PCDH15: variants seen among roughly 807,000 people sequenced by gnomAD.
PCDH15 encodes the protein protocadherin-15.
PCDH15 carries 129 observed loss-of-function variants against 178.5 expected under a neutral mutation model. The observed-to-expected ratio is 0.72, with a 90% confidence interval of 0.63 to 0.84. The LOEUF (loss-of-function observed/expected upper bound fraction) is 0.84, where lower values mean the gene tolerates loss of function less well. PCDH15 is among the 40% of genes least tolerant of loss of function. PCDH15 has a pLI of 0.00. For synonymous variants in PCDH15, 800 were observed against 732.0 expected, an observed-to-expected ratio of 1.09 and a Z score of -1.50; for missense variants, 2,230 against 2,099.9, an observed-to-expected ratio of 1.06 and a Z score of -1.21.
intron 1 of PCDH15, among the ~76,000 whole-genome samples, chr10:54,690,800 G>A (rs1436199900): frequency 6.6e-6 from 1 of 151,914 alleles, no homozygotes; most frequent in African/African-American, 2.4e-5. Context: ...TATTATATTT[G>A]AAACTGTTTA....
At chr10:55,432,768 G>T (rs1399926660) in intron 2 of PCDH15, among the ~76,000 whole-genome samples, 1 of 127,110 alleles carries the variant, frequency 7.9e-6, no homozygotes, top group African/African-American at 3.2e-5. Context: ...CTGCCACAAC[G>T]CCCGGCTAAT....
chr10:54,618,951 C>T (rs1228240718), intron 2 of PCDH15, among the ~76,000 whole-genome samples: 1 of 151,870 alleles, frequency 6.6e-6, no homozygotes, highest in African/African-American at 2.4e-5. Context: ...ATCAAAGCAT[C>T]AAATGGATGT....
intron 2 of PCDH15, among the ~76,000 whole-genome samples, chr10:55,396,199 G>A (rs376305876): frequency 1.3e-5 from 2 of 152,254 alleles, no homozygotes; most frequent in East Asian, 3.9e-4. Context: ...ATTAAAGGCA[G>A]TATTGAGGTT....
At chr10:55,536,982 A>AT (rs547252793) in intron 2 of PCDH15, among the ~76,000 whole-genome samples, 234 of 151,974 alleles carry the variant, frequency 1.5e-3, no homozygotes, top group Middle Eastern at 3.4e-3. Flanking sequence ...ATAAATTTAG[A>AT]TTTTTTTTCT....
intron 30 of PCDH15, among the ~76,000 whole-genome samples, chr10:53,830,224 C>T (rs11003870): frequency 0.046 from 6,943 of 151,704 alleles, 242 homozygotes; most frequent in East Asian, 0.15. Flanking sequence ...ACAGCTTGAA[C>T]CTTGGAGGCA....
chr10:54,328,243 G>A (rs1270709047), intron 7 of PCDH15, among the ~76,000 whole-genome samples: 2 of 152,026 alleles, frequency 1.3e-5, no homozygotes, highest in East Asian at 3.9e-4. Context: ...CCAGTATGTA[G>A]CCTTTTCTTA....
chr10:54,447,196 C>T (rs530868776), intron 3 of PCDH15, among the ~76,000 whole-genome samples: 1 of 151,588 alleles, frequency 6.6e-6, no homozygotes, highest in African/African-American at 2.4e-5. Flanking sequence ...GAATTTGGGT[C>T]TCTACAACAT....
intron 26 of PCDH15, among the ~76,000 whole-genome samples, chr10:53,880,605 A>G (rs200666354): frequency 1.9e-4 from 4 of 21,320 alleles, no homozygotes; most frequent in Non-Finnish European, 5.1e-4. Flanking sequence ...AAAAATTTTT[A>G]AAAAAACCTT....
intron 25 of PCDH15, among the ~76,000 whole-genome samples, chr10:53,909,311 T>A (rs2082901195): frequency 6.6e-6 from 1 of 152,152 alleles, no homozygotes; most frequent in African/African-American, 2.4e-5. Context: ...GTCAATTAAA[T>A]CTCTTCTCTT....
chr10:54,140,137 A>G (rs758935502), intron 14 of PCDH15, among the ~76,000 whole-genome samples: 1 of 152,232 alleles, frequency 6.6e-6, no homozygotes, highest in Non-Finnish European at 1.5e-5. Flanking sequence ...TCATAGTTAA[A>G]GCTCATATCT....
Position 54,346,387 on chromosome 10 carries a change from AT to A in PCDH15, c.571del (p.Ile191PhefsTer18), listed in dbSNP as rs1480320128. ...TACCGGATCATCTGGATTATACTGA[AT>A]AACATACTCTATCTGTCCATTTGGT... Reference protein sequence around the residue: ...DGPNGQIEYVIQYNPDDPTSN... With the variant: ...DGPNGQIEYVXQYNPDDPTSN... On this transcript the variant is annotated frameshift_variant, in exon 6 of 38. Coordinates refer to ENST00000644397, the MANE Select transcript of PCDH15 (RefSeq NM_001384140.1). LOFTEE classifies it high-confidence loss of function. 1 of 1,613,344 alleles carries A rather than the reference AT, an allele frequency of 6.2e-7. No individual in the cohort carries two copies. The highest frequency in any genetic ancestry group is 1.3e-5 in the African/African-American group (1 of 74,908).
chr10:54,644,805 G>T (rs1317978977), intron 2 of PCDH15, among the ~76,000 whole-genome samples: 4 of 152,136 alleles, frequency 2.6e-5, no homozygotes, highest in Non-Finnish European at 4.4e-5. Flanking sequence ...GGGCCCTTAG[G>T]AGGTGATTAT....
chr10:54,084,614 A>G (rs1049394349), intron 16 of PCDH15, among the ~76,000 whole-genome samples: 3 of 152,158 alleles, frequency 2.0e-5, no homozygotes, highest in Non-Finnish European at 4.4e-5. Flanking sequence ...AGAAAATTCA[A>G]TGATGTAAAT....
Position 55,245,955 on chromosome 10 carries a change from G to A in PCDH15, c.-156+73644C>T, listed in dbSNP as rs140896775. ...CCTAAAAGGCTGACTTAGGGCAGAT[G>A]TGCACTTGGCAATCAGTACTTGGCT... On this transcript the variant is annotated intron_variant, in intron 1 of 5. Transcript: ENST00000458638. Among the ~76,000 whole-genome samples, 859 of 152,286 alleles carry A rather than the reference G, an allele frequency of 5.6e-3. 10 individuals carry two copies. Among genetic ancestry groups the A allele is most frequent in the African/African-American group, 0.02 (818 of 41,562 alleles).
In PCDH15 at chr10:55,581,627, T is replaced by C. The variant is rs116188855; in HGVS notation, c.-156+45998A>G. Among the ~76,000 whole-genome samples the C allele has an allele frequency of 3.1e-3, 471 of 152,208 alleles. 1 individual carries two copies. Among genetic ancestry groups the C allele is most frequent in the African/African-American group, 0.01 (432 of 41,552 alleles). ...GAAATGATTATGAGTCAATTTAAAA[T>C]CTCTGAAAATTAAAACTTAATTTTA... On this transcript the variant is annotated intron_variant, in intron 2 of 5. Coordinates refer to the PCDH15 transcript ENST00000613346.
At chr10:55,398,959 GA>G (rs1202319996) in intron 2 of PCDH15, among the ~76,000 whole-genome samples, 4 of 151,958 alleles carry the variant, frequency 2.6e-5, no homozygotes, top group Admixed American at 1.3e-4. Flanking sequence ...ATATATGAAT[GA>G]AAAAATGTTG....
At chr10:55,024,446 T>TAA in intron 2 of PCDH15, among the ~76,000 whole-genome samples, 1 of 96,392 alleles carries the variant, frequency 1.0e-5, no homozygotes, top group Admixed American at 1.0e-4. Flanking sequence ...TAATATATTA[T>TAA]ATATATATAC....
intron 3 of PCDH15, among the ~76,000 whole-genome samples, chr10:54,511,609 G>A (rs904657910): frequency 2.0e-5 from 3 of 152,058 alleles, no homozygotes; most frequent in African/African-American, 7.2e-5. Flanking sequence ...GTCACTTTAT[G>A]GATAATGCAT....
chr10:53,914,292 C>T (rs1027554028), intron 25 of PCDH15, among the ~76,000 whole-genome samples: 2 of 152,138 alleles, frequency 1.3e-5, no homozygotes, highest in African/African-American at 4.8e-5. Context: ...ATAAAGCATG[C>T]TACTATAAAG....
Sources: allele counts gnomAD v4.1 joint callset (sites outside exome capture counted in the v4.1 genomes callset), GRCh38; gene constraint gnomAD v4.1.1; transcripts MANE v1.5; gene names NCBI Gene and HGNC (gene_info 2026-07-23, HGNC 2026-07-21).